Variants in PHF14 observed in about 807,000 individuals in gnomAD.
PHF14 encodes the protein PHD finger protein 14.
PHF14 carries 55 observed loss-of-function variants against 117.9 expected under a neutral mutation model. The ratio of observed to expected loss-of-function variants is 0.47; its 90% CI spans 0.38 to 0.58. PHF14 has a LOEUF of 0.58. Ranked by LOEUF, PHF14 falls within the 20% of genes least tolerant of loss-of-function variation. The probability of loss-of-function intolerance (pLI) is 0.00; values close to 1 mark genes in which losing one functional copy is unlikely to be tolerated. For synonymous variants in PHF14, 409 were observed against 368.6 expected (o/e 1.11, Z -1.26); for missense variants, 978 against 1,122.2 (o/e 0.87, Z 1.84).
chr7:11,096,160 G>T (rs1444306378), intron 16 of PHF14, among the ~76,000 whole-genome samples: 1 of 151,874 alleles, frequency 6.6e-6, no homozygotes, highest in East Asian at 1.9e-4. Context: ...CTTTTTCGGT[G>T]TCTGAGTATA....
intron 4 of PHF14, among the ~76,000 whole-genome samples, chr7:10,996,498 T>C (rs1367350831): frequency 1.3e-5 from 2 of 152,046 alleles, no homozygotes; most frequent in Non-Finnish European, 2.9e-5. Flanking sequence ...AGAGAGTCAG[T>C]AAATGTGTCA....
At chr7:11,098,311 T>C (rs2128340543) in intron 16 of PHF14, among the ~76,000 whole-genome samples, 1 of 152,336 alleles carries the variant, frequency 6.6e-6, no homozygotes, top group South Asian at 2.1e-4. Context: ...TTCCCATTCC[T>C]ATGGCTTCCT....
At chr7:11,137,624 T>G (rs1179497448) in intron 17 of PHF14, among the ~76,000 whole-genome samples, 3 of 148,522 alleles carry the variant, frequency 2.0e-5, no homozygotes, top group Non-Finnish European at 4.5e-5. Flanking sequence ...AGACGGAGTT[T>G]TGCTCTTGTT....
At chr7:11,042,198 G>A (rs577797937) in intron 12 of PHF14, among the ~76,000 whole-genome samples, 34 of 151,998 alleles carry the variant, frequency 2.2e-4, no homozygotes, top group African/African-American at 8.2e-4. Context: ...TATACTTGCA[G>A]TATATCTACA....
At chr7:10,980,882 G>A (rs540019187) in intron 2 of PHF14, among the ~76,000 whole-genome samples, 267 of 152,182 alleles carry the variant, frequency 1.8e-3, no homozygotes, top group African/African-American at 6.0e-3. Flanking sequence ...TTTCAGATAG[G>A]GAATTGCTGA....
intron 16 of PHF14, among the ~76,000 whole-genome samples, chr7:11,080,450 CTCAG>C (rs1230479945): frequency 6.6e-6 from 1 of 152,002 alleles, no homozygotes; most frequent in Non-Finnish European, 1.5e-5. Flanking sequence ...GTTGAAGTTT[CTCAG>C]TCAGTATGGC....
At chr7:11,094,784 C>A (rs1247255909) in intron 16 of PHF14, among the ~76,000 whole-genome samples, 1 of 152,212 alleles carries the variant, frequency 6.6e-6, no homozygotes, top group Admixed American at 6.5e-5. Context: ...CTCTTCCTCT[C>A]ATGCTCTGCC....
At chr7:11,074,384 G>A (rs1203890735) in intron 16 of PHF14, among the ~76,000 whole-genome samples, 3 of 151,614 alleles carry the variant, frequency 2.0e-5, no homozygotes, top group Non-Finnish European at 4.4e-5. Flanking sequence ...CTAATTTTTT[G>A]TATTTTTAGT....
intron 17 of PHF14, among the ~76,000 whole-genome samples, chr7:11,126,630 A>T (rs1318314099): frequency 6.6e-6 from 1 of 151,998 alleles, no homozygotes; most frequent in Non-Finnish European, 1.5e-5. Flanking sequence ...TCACATTTCC[A>T]AGCAGTATTT....
At chr7:10,997,896 T>A (rs1782718105) in intron 4 of PHF14, among the ~76,000 whole-genome samples, 2 of 152,320 alleles carry the variant, frequency 1.3e-5, no homozygotes, top group South Asian at 4.1e-4. Context: ...CATATTCCGC[T>A]GTTCACACAA....
chr7:11,083,643 A>T (rs555909386), intron 16 of PHF14, among the ~76,000 whole-genome samples: 196 of 151,810 alleles, frequency 1.3e-3, no homozygotes, highest in African/African-American at 4.4e-3. Flanking sequence ...TTGTATTTTT[A>T]GTAGAGACAG....
intron 16 of PHF14, chr7:11,071,237 G>T (rs765068189): frequency 1.9e-6 from 1 of 518,140 alleles, no homozygotes; most frequent in South Asian, 1.4e-5. Context: ...CACTAGCTCT[G>T]ATATTCAAAG....
At chr7:11,071,803 A>G (rs1051566511) in intron 16 of PHF14, among the ~76,000 whole-genome samples, 24 of 152,258 alleles carry the variant, frequency 1.6e-4, no homozygotes, top group African/African-American at 5.8e-4. Flanking sequence ...TAATGCAATA[A>G]GAGAACTTCT....
intron 5 of PHF14, among the ~76,000 whole-genome samples, chr7:11,020,039 C>T (rs1300221333): frequency 6.6e-6 from 1 of 151,586 alleles, no homozygotes; most frequent in East Asian, 1.9e-4. Flanking sequence ...TAAAAATAAG[C>T]TTTATGTTGC....
rs183875453 is a variant in PHF14, at chr7:11,032,265, A to C, written c.1456-3375A>C. Among the ~76,000 whole-genome samples, 3 of 152,310 alleles carry C rather than the reference A, an allele frequency of 2.0e-5. No individual in the cohort carries two copies. The East Asian group carries it at 5.8e-4, about 29-fold the overall frequency. ...ACAAGAATATTGATAATGCATAATTAAGAAGATAAGTTTGATATGCCATTA... is the reference window on the plus strand; with the variant it reads ...ACAAGAATATTGATAATGCATAATTCAGAAGATAAGTTTGATATGCCATTA... On this transcript the variant is annotated intron_variant, in intron 7 of 17. Transcript: ENST00000634607.
At chr7:11,023,712 C>T (rs1483270006) in intron 6 of PHF14, among the ~76,000 whole-genome samples, 6 of 152,172 alleles carry the variant, frequency 3.9e-5, no homozygotes, top group Admixed American at 2.6e-4. Context: ...CCTGTAATCC[C>T]AGCCACTCAG....
chr7:11,118,828 T>G (rs1373413829), intron 17 of PHF14, among the ~76,000 whole-genome samples: 2 of 151,856 alleles, frequency 1.3e-5, no homozygotes, highest in Non-Finnish European at 2.9e-5. Context: ...CGTATATACT[T>G]CAGTAAATTA....
intron 16 of PHF14, among the ~76,000 whole-genome samples, chr7:11,098,027 A>T (rs962357381): frequency 6.6e-6 from 1 of 152,124 alleles, no homozygotes; most frequent in Non-Finnish European, 1.5e-5. Context: ...AGTCTTTTTT[A>T]AAAAGTTAAA....
intron 4 of PHF14, among the ~76,000 whole-genome samples, chr7:10,998,797 T>G (rs1782753820): frequency 1.3e-5 from 2 of 152,214 alleles, no homozygotes; most frequent in Admixed American, 6.5e-5. Context: ...TTTTGGTGAT[T>G]CTCTTATGAT....
Sources: gnomAD v4.1 joint callset for allele counts (sites outside exome capture counted in the v4.1 genomes callset) on GRCh38, gnomAD v4.1.1 for gene constraint, MANE v1.5 for transcripts, NCBI Gene and HGNC (gene_info 2026-07-23, HGNC 2026-07-21) for gene names.